Variants in IVD observed in about 807,000 individuals in gnomAD.
IVD encodes the protein isovaleryl-CoA dehydrogenase.
IVD carries 31 observed loss-of-function variants against 51.3 expected under a neutral mutation model. The observed-to-expected ratio is 0.60, with a 90% CI of 0.45 to 0.81. The LOEUF is 0.81. Among genes scored for constraint, IVD ranks in the 40% least tolerant of loss-of-function variants. The probability of loss-of-function intolerance (pLI) is 0.00; values close to 1 mark genes in which losing one functional copy is unlikely to be tolerated. For missense variants in IVD, 475 were observed against 552.0 expected, an observed-to-expected ratio of 0.86 and a Z score of 1.40; for synonymous variants, 205 against 219.4, an observed-to-expected ratio of 0.93 and a Z score of 0.58.
chr15:40,406,770 C>T (rs996604814), intron 1 of IVD, among the ~76,000 whole-genome samples: 2 of 152,126 alleles, frequency 1.3e-5, no homozygotes, highest in Non-Finnish European at 2.9e-5. Context: ...TTATAGCCAG[C>T]GAGCGCTCAG....
chr15:40,435,548 C>T, exon 9 of IVD: 1 of 1,187,566 alleles, frequency 8.4e-7, no homozygotes, highest in Non-Finnish European at 1.1e-6. Context: ...ACCCCGCGTG[C>T]TGCTCCCCCA....
At chr15:40,409,807 C>G (rs1890849443) in intron 3 of IVD, among the ~76,000 whole-genome samples, 2 of 151,800 alleles carry the variant, frequency 1.3e-5, no homozygotes, top group Admixed American at 6.6e-5. Flanking sequence ...CTGTGGCTCT[C>G]CTGTCCTGTC....
At chr15:40,410,594 C>T (rs1386401724) in intron 3 of IVD, 34 bp from the exon 4 acceptor site, 13 of 1,612,900 alleles carry the variant, frequency 8.1e-6, no homozygotes, top group Non-Finnish European at 1.1e-5. Context: ...ATCTGGGCTG[C>T]GTTTTCCACT....
downstream of IVD, chr15:40,421,384 A>G: frequency 1.0e-6 from 1 of 985,490 alleles, no homozygotes; most frequent in African/African-American, 1.7e-5. Flanking sequence ...TTGGTTGCCT[A>G]CATGCATTGG....
chr15:40,419,088 C>T lies in IVD; in HGVS notation c.*825C>T, dbSNP rs7182052. 5.9e-6 allele frequency: 7 copies of T among 1,177,806 alleles called. No homozygotes were observed. The South Asian group carries it at 7.7e-5, about 13-fold the overall frequency. The allele number at this position is 1,177,806 out of a possible 1,614,324, so 73.0% of individuals were successfully genotyped here. A position where few individuals can be genotyped will look rare whatever the true frequency, so the allele number is the denominator to read the frequency against. ...GAGGCGGACGTTGCAGTGAGCCGAG[C>T]TTGTGCCATTGCACTCCAGCCTGGG... is the stretch of plus-strand genomic sequence containing the variant. On this transcript the variant is annotated 3_prime_UTR_variant, in exon 12 of 12. Transcript: ENST00000487418.
chr15:40,429,402 G>A (rs1174130219), downstream of IVD, among the ~76,000 whole-genome samples: 3 of 152,202 alleles, frequency 2.0e-5, no homozygotes, highest in Non-Finnish European at 4.4e-5. Context: ...AAAAGTTTAC[G>A]AGTTAGTTGG....
intron 3 of IVD, among the ~76,000 whole-genome samples, chr15:40,409,868 A>C (rs1595765078): frequency 4.0e-5 from 5 of 124,832 alleles, no homozygotes; most frequent in East Asian, 2.4e-4. Context: ...ACAGAATCTC[A>C]CTCTGTCGCC....
Position 40,418,183 on chromosome 15 carries a change from A to C in IVD, c.1192A>C (p.Lys398Gln). Reference protein sequence around the residue: ...FPMGRFLRDAKLYEIGAGTSE... With the variant: ...FPMGRFLRDAQLYEIGAGTSE... ...CATGGGCCGCTTTCTTCGAGATGCC[A>C]AGCTGTATGAGATAGGGGCTGGGAC... is the stretch of plus-strand genomic sequence containing the variant. Residue 398 changes from lysine (K) to glutamine (Q), a missense_variant, in exon 12 of 12, where the codon AAG becomes CAG. By Grantham distance (53) the Lys-to-Gln change is moderately conservative. Transcript: ENST00000487418. The C allele has an allele frequency of 6.2e-7, 1 of 1,614,206 alleles. No individual in the cohort carries two copies. The highest frequency in any genetic ancestry group is 1.1e-5 in the South Asian group (1 of 91,088).
intron 11 of IVD, among the ~76,000 whole-genome samples, chr15:40,417,327 G>A (rs900584555): frequency 6.6e-6 from 1 of 151,782 alleles, no homozygotes; most frequent in Non-Finnish European, 1.5e-5. Context: ...GACCAACGTG[G>A]TGAAACCCCA....
chr15:40,405,953 A>C lies in IVD; in HGVS notation c.126A>C (p.Leu42=), dbSNP rs1426096405. 1 of 1,611,646 alleles carries C rather than the reference A, an allele frequency of 6.2e-7. No homozygotes were observed. Among genetic ancestry groups the C allele is most frequent in the African/African-American group, 1.3e-5 (1 of 74,898 alleles). ...LLPVDDAING[L]SEEQRQLRQT... ...CCGTGGACGATGCAATCAATGGGCT[A>C]AGCGAGGAGCAGAGGCAGGTGAGGA... The change falls in exon 1 of 12, where the codon CTA becomes CTC. Residue 42 remains leucine (L), a synonymous_variant. Coordinates refer to ENST00000487418, the MANE Select transcript of IVD (RefSeq NM_002225.5).
At chr15:40,428,961 G>A (rs946073033), downstream of IVD, among the ~76,000 whole-genome samples, 7 of 152,080 alleles carry the variant, frequency 4.6e-5, no homozygotes, top group African/African-American at 7.2e-5. Context: ...GACCCAGCCC[G>A]GTCCCAATTC....
rs559732306 is a variant in IVD, at chr15:40,411,342, C to T, written c.539C>T (p.Ala180Val). The T allele has an allele frequency of 2.0e-5, 32 of 1,613,900 alleles. No individual in the cohort carries two copies. Among genetic ancestry groups the T allele is most frequent in the Admixed American group, 8.3e-5 (5 of 59,992 alleles). ...GATGTTGTCTCTATGAAGCTCAAAGCGGAAAAGAAAGGTGAGGCCACTCTC... is the reference window on the plus strand; with the variant it reads ...GATGTTGTCTCTATGAAGCTCAAAGTGGAAAAGAAAGGTGAGGCCACTCTC... The part of the protein sequence containing the change: ...GSDVVSMKLK[A>V]EKKGNHYILN... Residue 180 changes from alanine to valine, a missense_variant, in exon 5 of 12, where the codon GCG becomes GTG. Physicochemically the swap from Ala to Val is moderately conservative, Grantham distance 64. Transcript: ENST00000487418.
Position 40,414,971 on chromosome 15 carries a change from G to T in IVD, c.867G>T (p.Gly289=). 2 of 1,613,848 alleles carry T rather than the reference G, an allele frequency of 1.2e-6. No homozygotes were observed. Among genetic ancestry groups the T allele is most frequent in the Non-Finnish European group, 1.7e-6 (2 of 1,179,964 alleles). ...ACCTGGAGCGGCTGGTGCTGGCCGG[G>T]GGGCCTCTTGGGTAAGTGTGAGAGG... ...GLDLERLVLA[G]GPLGLMQAVL... The change falls in exon 8 of 12, where the codon GGG becomes GGT. Residue 289 remains glycine, a synonymous_variant. Coordinates refer to ENST00000487418, the MANE Select transcript of IVD (RefSeq NM_002225.5).
At chr15:40,430,396 C>G (rs968851174) in intron 7 of IVD, among the ~76,000 whole-genome samples, 3 of 152,148 alleles carry the variant, frequency 2.0e-5, no homozygotes, top group Non-Finnish European at 4.4e-5. Context: ...TGACTGAGCC[C>G]GAGAGATGAG....
Position 40,419,508 on chromosome 15 carries a change from C to G in IVD, c.*1245C>G, listed in dbSNP as rs974616361. 2 of 214,612 alleles carry G rather than the reference C, an allele frequency of 9.3e-6. No homozygotes were observed. The highest frequency in any genetic ancestry group is 1.0e-4 in the Admixed American group (2 of 19,790). The allele number at this position is 214,612 out of a possible 1,614,324, so 13.3% of individuals were successfully genotyped here. A position where few individuals can be genotyped will look rare whatever the true frequency, so the allele number is the denominator to read the frequency against. Reference sequence around the variant, plus strand: ...CCTGGGCCATAGAGTGAGACTCTGTCTCAAAAAAGGAAAGAAAAATAGGCT... The same window carrying G: ...CCTGGGCCATAGAGTGAGACTCTGTGTCAAAAAAGGAAAGAAAAATAGGCT... On this transcript the variant is annotated 3_prime_UTR_variant, in exon 12 of 12. Transcript: ENST00000487418.
Position 40,434,598 on chromosome 15 carries a change from T to C in IVD, c.780+684T>C, listed in dbSNP as rs560723988. Among the ~76,000 whole-genome samples, 8 of 152,260 alleles carry C rather than the reference T, an allele frequency of 5.3e-5. No homozygotes were observed. The East Asian group carries it at 1.5e-3, about 29-fold the overall frequency. On this transcript the variant is annotated intron_variant, in intron 8 of 8. Transcript: ENST00000473112. The stretch of plus-strand genomic sequence containing the variant: ...AGGAATGTGTGAGGAGGAGACAACT[T>C]GGAGTGCATAGAGTTCAGGGCAGCA...
chr15:40,423,537 C>G (rs1200431489), downstream of IVD, among the ~76,000 whole-genome samples: 1 of 152,236 alleles, frequency 6.6e-6, no homozygotes, highest in Admixed American at 6.5e-5. Context: ...TCTCAGCTGA[C>G]TGCAACCTCC....
At chr15:40,413,148 G>A in intron 7 of IVD, 61 bp downstream of exon 7, 3 of 1,338,144 alleles carry the variant, frequency 2.2e-6, no homozygotes, top group Non-Finnish European at 3.2e-6. Context: ...TGATCTGGCT[G>A]TTCTCAAGTT....
Position 40,435,414 on chromosome 15 carries a change from TAGGGC to T in IVD, c.781_785del (p.Gly261AspfsTer37). Reference sequence around the variant, plus strand: ...CGCTAAAAGAGGGCTCTCTTTCCCCTAGGGCAGACCTTTTCCGCCCAACACCCACC... The same window carrying T: ...CGCTAAAAGAGGGCTCTCTTTCCCCTAGACCTTTTCCGCCCAACACCCACC... On this transcript the variant is annotated splice_acceptor_variant and coding_sequence_variant, in exon 9 of 9. Transcript: ENST00000473112. LOFTEE classifies it high-confidence loss of function. 1 of 1,183,856 alleles carries T rather than the reference TAGGGC, an allele frequency of 8.4e-7. No homozygotes were observed. The highest frequency in any genetic ancestry group is 1.1e-6 in the Non-Finnish European group (1 of 927,798). The allele number at this position is 1,183,856 out of a possible 1,614,324, so 73.3% of individuals were successfully genotyped here. A position where few individuals can be genotyped will look rare whatever the true frequency, so the allele number is the denominator to read the frequency against.
Sources: gnomAD v4.1 joint callset for allele counts (sites outside exome capture counted in the v4.1 genomes callset) on GRCh38, gnomAD v4.1.1 for gene constraint, MANE v1.5 for transcripts, NCBI Gene and HGNC (gene_info 2026-07-23, HGNC 2026-07-21) for gene names.